TTC3: variants seen among roughly 807,000 people sequenced by gnomAD.
TTC3 encodes tetratricopeptide repeat domain 3.
TTC3 carries 180 observed loss-of-function variants against 249.6 expected under a neutral mutation model. The ratio of observed to expected loss-of-function variants is 0.72; its 90% confidence interval spans 0.64 to 0.82. The LOEUF (loss-of-function observed/expected upper bound fraction) is 0.82, where lower values mean the gene tolerates loss of function less well. Among genes scored for constraint, TTC3 ranks in the 40% least tolerant of loss-of-function variants. The probability of loss-of-function intolerance (pLI) is 0.00; values close to 1 mark genes in which losing one functional copy is unlikely to be tolerated. For missense variants in TTC3, 2,061 were observed against 2,398.4 expected (o/e 0.86, Z 2.94); for synonymous variants, 717 against 805.0 (o/e 0.89, Z 1.85).
chr21:37,121,702 C>T, intron 11 of TTC3, 115 bp from the exon 12 acceptor site: 1 of 965,348 alleles, frequency 1.0e-6, no homozygotes, highest in Non-Finnish European at 1.5e-6. Flanking sequence ...TGGTAGGGAC[C>T]TAATCTAATA....
intron 11 of TTC3, among the ~76,000 whole-genome samples, chr21:37,115,124 AC>A (rs2076019403): frequency 6.6e-6 from 1 of 151,700 alleles, no homozygotes; most frequent in Non-Finnish European, 1.5e-5. Flanking sequence ...GCACATGTAT[AC>A]CTATGTAACA....
chr21:37,073,743 C>T (rs1486340106), intron 1 of TTC3, among the ~76,000 whole-genome samples: 2 of 152,132 alleles, frequency 1.3e-5, no homozygotes, highest in Non-Finnish European at 2.9e-5. Flanking sequence ...CGCGTGTCGC[C>T]TCGTCGCCCC....
In TTC3 at chr21:37,131,430, G is replaced by T. The variant is rs75506775; in HGVS notation, c.1359-1252G>T. Among the ~76,000 whole-genome samples the T allele has an allele frequency of 5.3e-3, 807 of 152,314 alleles. 8 individuals are homozygous for T. Among genetic ancestry groups the T allele is most frequent in the African/African-American group, 0.018 (745 of 41,574 alleles). ...GAGCTTCTGGGCTGACGAACACATTGATGTGCTGAGAAAGTGGCATGCCCA... is the reference window on the plus strand; with the variant it reads ...GAGCTTCTGGGCTGACGAACACATTTATGTGCTGAGAAAGTGGCATGCCCA... On this transcript the variant is annotated intron_variant, in intron 16 of 45. Coordinates refer to ENST00000355666, the Ensembl canonical transcript of TTC3.
chr21:37,111,767 C>T (rs1476169810), intron 11 of TTC3, among the ~76,000 whole-genome samples: 1 of 152,306 alleles, frequency 6.6e-6, no homozygotes, highest in South Asian at 2.1e-4. Flanking sequence ...CACCACACCA[C>T]ACCTATTCCA....
chr21:37,123,487 T>C (rs564589491), intron 13 of TTC3, among the ~76,000 whole-genome samples: 11 of 152,328 alleles, frequency 7.2e-5, no homozygotes, highest in African/African-American at 2.6e-4. Flanking sequence ...CTATTAGAAA[T>C]AGGCAACAGA....
intron 15 of TTC3, among the ~76,000 whole-genome samples, chr21:37,126,749 G>A (rs1440933569): frequency 6.6e-6 from 1 of 152,126 alleles, no homozygotes; most frequent in South Asian, 2.1e-4. Context: ...CAACAGATTC[G>A]ATGTCTGCTG....
At chr21:37,160,667 G>T in intron 29 of TTC3, 135 bp from the exon 30 acceptor site, 1 of 841,332 alleles carries the variant, frequency 1.2e-6, no homozygotes, top group Non-Finnish European at 1.9e-6. Flanking sequence ...CTGATACACT[G>T]TAGTGTTATT....
At chr21:37,088,912 C>G in intron 5 of TTC3, 26 bp downstream of exon 5, 1 of 1,598,498 alleles carries the variant, frequency 6.3e-7, no homozygotes, top group Non-Finnish European at 8.6e-7. Context: ...TAGGTTCCCC[C>G]GAGCCCTTGG....
At chr21:37,140,301 A>T (rs557939577) in intron 19 of TTC3, among the ~76,000 whole-genome samples, 1 of 152,288 alleles carries the variant, frequency 6.6e-6, no homozygotes, top group East Asian at 1.9e-4. Context: ...CCAGGCCCTT[A>T]GTGCGTACTA....
intron 15 of TTC3, 65 bp downstream of exon 15, chr21:37,126,208 T>A: frequency 6.8e-7 from 1 of 1,477,434 alleles, no homozygotes; most frequent in Non-Finnish European, 9.4e-7. Context: ...TTGGATGCCC[T>A]ACAATGTGCA....
intron 11 of TTC3, among the ~76,000 whole-genome samples, chr21:37,109,644 A>G (rs889276704): frequency 3.3e-5 from 5 of 152,270 alleles, no homozygotes; most frequent in African/African-American, 1.2e-4. Flanking sequence ...GGCAGGGCAC[A>G]GACAAACAAA....
At chr21:37,130,358 T>C (rs2077371645) in intron 16 of TTC3, among the ~76,000 whole-genome samples, 1 of 151,706 alleles carries the variant, frequency 6.6e-6, no homozygotes, top group Admixed American at 6.5e-5. Context: ...ATGATAATTT[T>C]TTAAATGCAG....
chr21:37,176,318 A>G (rs973500197), intron 35 of TTC3, among the ~76,000 whole-genome samples: 3 of 152,228 alleles, frequency 2.0e-5, no homozygotes, highest in Non-Finnish European at 4.4e-5. Context: ...GTCTAATTCC[A>G]GAAAACTTTT....
In TTC3 at chr21:37,087,882, A is replaced by G; in HGVS notation, c.187+7A>G. 6.3e-7 allele frequency: 1 copy of G among 1,594,568 alleles called. No individual in the cohort carries two copies. Among genetic ancestry groups the G allele is most frequent in the Middle Eastern group, 1.7e-4 (1 of 6,018 alleles). ...CAAAGTGAGAGGAATTTGGGTGAGT[A>G]CGTTGGTATTTTTAATGTTAATTTA... On this transcript the variant is annotated splice_region_variant and intron_variant, in intron 3 of 45. Transcript: ENST00000355666.
intron 32 of TTC3, 125 bp downstream of exon 32, chr21:37,164,340 A>ATTT (rs34114322): frequency 5.4e-5 from 37 of 690,824 alleles, no homozygotes; most frequent in African/African-American, 2.4e-4. Flanking sequence ...TTAATTTAGG[A>ATTT]TTTTTTTTTT....
chr21:37,138,763 T>C, intron 19 of TTC3, 49 bp downstream of exon 19: 1 of 1,287,158 alleles, frequency 7.8e-7, no homozygotes, highest in Non-Finnish European at 1.1e-6. Context: ...TATTGACATA[T>C]CTTATAAAAA....
chr21:37,197,531 A>G (rs1467859130), intron 42 of TTC3, 39 bp from the exon 43 acceptor site: 2 of 1,611,366 alleles, frequency 1.2e-6, no homozygotes, highest in Non-Finnish European at 1.7e-6. Flanking sequence ...AGCAGTAGAG[A>G]ACTTTCTGTT....
intron 38 of TTC3, chr21:37,187,661 C>T (rs1270601527): frequency 6.6e-6 from 1 of 152,238 alleles, no homozygotes. Flanking sequence ...AAACATGATT[C>T]TCTATGTTTC....
chr21:37,127,360 A>G (rs1173080665), intron 15 of TTC3, among the ~76,000 whole-genome samples: 1 of 152,184 alleles, frequency 6.6e-6, no homozygotes, highest in Non-Finnish European at 1.5e-5. Context: ...TGCTCAGTGC[A>G]TGTATTTATT....
Sources: allele counts gnomAD v4.1 joint callset (sites outside exome capture counted in the v4.1 genomes callset), GRCh38; gene constraint gnomAD v4.1.1; transcripts MANE v1.5; gene names NCBI Gene and HGNC (gene_info 2026-07-23, HGNC 2026-07-21).